Variants in ZNF8 observed in about 807,000 individuals in gnomAD.
ZNF8 encodes the protein zinc finger protein 8.
ZNF8 carries 9 observed loss-of-function variants against 12.2 expected under a neutral mutation model. That is an observed-to-expected ratio of 0.73 (90% CI 0.44 to 1.28). ZNF8 has a LOEUF of 1.28. Ranked by LOEUF, ZNF8 falls within the 50% of genes most tolerant of loss-of-function variation. The pLI is 0.00. For missense variants in ZNF8, 664 were observed against 729.1 expected (o/e 0.91, Z 1.03); for synonymous variants, 274 against 282.3 (o/e 0.97, Z 0.30).
At position 58,302,324 on chromosome 19, in the gene ZNF8, C is replaced by A. The variant is rs530333124; in HGVS notation, c.*6788C>A. On this transcript the variant is annotated 3_prime_UTR_variant, in exon 4 of 4. Coordinates refer to ENST00000621650, the MANE Select transcript of ZNF8 (RefSeq NM_021089.3). ...AAATGAAAACTTGTGTAAAATTCCT[C>A]ATACTTTAGCCATCCATAGATGGTC... The A allele has an allele frequency of 7.9e-5, 12 of 152,166 alleles. No homozygotes were observed. Among genetic ancestry groups the A allele is most frequent in the Non-Finnish European group, 1.8e-4 (12 of 68,042 alleles). The allele number at this position is 152,166 out of a possible 1,614,324, so 9.4% of individuals were successfully genotyped here.
At chr19:58,288,006 T>C (rs972741434) in intron 3 of ZNF8, among the ~76,000 whole-genome samples, 2 of 131,742 alleles carry the variant, frequency 1.5e-5, no homozygotes, top group African/African-American at 5.8e-5. Flanking sequence ...GCCTGACTTT[T>C]TGTTTGTTTG....
intron 1 of ZNF8, chr19:58,279,715 G>C (rs1202901437): frequency 6.6e-7 from 1 of 1,524,528 alleles, no homozygotes; most frequent in Non-Finnish European, 8.8e-7. Flanking sequence ...GAGACTGTGG[G>C]AGAACTGCAG....
In ZNF8 at chr19:58,294,370, C is replaced by A; in HGVS notation, c.562C>A (p.Pro188Thr). 2 of 1,614,096 alleles carry A rather than the reference C, an allele frequency of 1.2e-6. No homozygotes were observed. Among genetic ancestry groups the A allele is most frequent in the Non-Finnish European group, 1.7e-6 (2 of 1,180,024 alleles). The change falls in exon 4 of 4, where the codon CCA becomes ACA. Residue 188 changes from proline to threonine, a missense_variant. Physicochemically the swap from Pro to Thr is conservative, Grantham distance 38. Transcript: ENST00000621650. This position sits in a 1 kb window ranked among gnomAD's most constrained non-coding sequence, Gnocchi z 5.5. ...LRENCVLSSS[P>T]NPFPEISRGE... The stretch of plus-strand genomic sequence containing the variant: ...GGAAAACTGCGTCCTGAGTTCAAGC[C>A]CAAATCCATTCCCAGAGATCTCTAG...
chr19:58,287,638 CT>C (rs35340103), intron 3 of ZNF8, among the ~76,000 whole-genome samples: 349 of 64,856 alleles, frequency 5.4e-3, no homozygotes, highest in African/African-American at 0.019. Context: ...TGCACCTGGC[CT>C]TTTTTTTTTT....
At chr19:58,284,773 T>C (rs1325455311) in intron 1 of ZNF8, among the ~76,000 whole-genome samples, 5 of 152,034 alleles carry the variant, frequency 3.3e-5, no homozygotes, top group Non-Finnish European at 1.5e-5. Context: ...CACTTGAACC[T>C]GGGAGGCAGA....
chr19:58,287,550 G>A (rs1247662359), intron 3 of ZNF8, among the ~76,000 whole-genome samples: 1 of 150,760 alleles, frequency 6.6e-6, no homozygotes, highest in Non-Finnish European at 1.5e-5. Flanking sequence ...TGTTGCCCAG[G>A]CTGGTCTCAA....
intron 1 of ZNF8, chr19:58,280,150 G>A (rs779559621): frequency 2.2e-5 from 7 of 312,220 alleles, no homozygotes; most frequent in African/African-American, 6.7e-5. Flanking sequence ...AATATCTCAC[G>A]AGTTCTGACA....
chr19:58,294,933 G>A lies in ZNF8; in HGVS notation c.1125G>A (p.Gly375=). The part of the protein sequence containing the change: ...GEKPYTCSVC[G]KSFSRTTCLF... The stretch of plus-strand genomic sequence containing the variant: ...AGCCATACACCTGCAGTGTGTGTGG[G>A]AAATCCTTCTCTCGGACCACTTGCC... Residue 375 remains glycine (G), a synonymous_variant, in exon 4 of 4, where the codon GGG becomes GGA. Coordinates refer to ENST00000621650, the MANE Select transcript of ZNF8 (RefSeq NM_021089.3). The surrounding 1 kb of genome is among the most constrained non-coding windows in gnomAD (Gnocchi z 5.5). The A allele has an allele frequency of 1.9e-6, 3 of 1,614,174 alleles. No individual in the cohort carries two copies. The highest frequency in any genetic ancestry group is 2.7e-5 in the African/African-American group (2 of 75,056).
intron 3 of ZNF8, among the ~76,000 whole-genome samples, chr19:58,290,214 C>T (rs1434447522): frequency 1.4e-5 from 2 of 146,610 alleles, no homozygotes; most frequent in Non-Finnish European, 3.0e-5. Flanking sequence ...CCCGGGTTCA[C>T]GCCATTCTGC....
In ZNF8 at chr19:58,295,261, C is replaced by A. The variant is rs752494606; in HGVS notation, c.1453C>A (p.His485Asn). The A allele has an allele frequency of 6.2e-7, 1 of 1,614,124 alleles. No homozygotes were observed. Among genetic ancestry groups the A allele is most frequent in the Non-Finnish European group, 8.5e-7 (1 of 1,180,060 alleles). ...CATTCAGAGCTCTCACCTCATCCGG[C>A]ACCAGATAACTCACACCAGAGAGGA... ...CFIQSSHLIR[H>N]QITHTREEQP... The change falls in exon 4 of 4, where the codon CAC becomes AAC. Residue 485 changes from histidine (H) to asparagine (N), a missense_variant. Physicochemically the swap from His to Asn is moderately conservative, Grantham distance 68 (BLOSUM62 1). Transcript: ENST00000621650.
Position 58,280,201 on chromosome 19 carries a change from C to G in ZNF8, c.66+1054C>G, listed in dbSNP as rs78389748. 2.5e-3 allele frequency: 659 copies of G among 266,494 alleles called. 4 individuals are homozygous for G. The highest frequency in any genetic ancestry group is 0.014 in the African/African-American group (606 of 43,126). The allele number at this position is 266,494 out of a possible 1,614,324, so 16.5% of individuals were successfully genotyped here. A position where few individuals can be genotyped will look rare whatever the true frequency, so the allele number is the denominator to read the frequency against. On this transcript the variant is annotated intron_variant, in intron 1 of 3. Transcript: ENST00000621650. ...CCTAGCTGGTGGTTCTGGTTCAGGC[C>G]CATGAAGTTACAGTGAAGATGTCAG...
At chr19:58,291,509 G>C (rs1324756941) in intron 3 of ZNF8, among the ~76,000 whole-genome samples, 6 of 151,484 alleles carry the variant, frequency 4.0e-5, no homozygotes, top group Non-Finnish European at 8.8e-5. Flanking sequence ...TTTAGTCTCT[G>C]TGTTTTCGTC....
rs1359442016 is a variant in ZNF8, at chr19:58,295,741, A to G, written c.*205A>G. The G allele has an allele frequency of 1.8e-6, 1 of 551,612 alleles. No homozygotes were observed. The highest frequency in any genetic ancestry group is 1.9e-5 in the African/African-American group (1 of 53,058). 34.2% of individuals were successfully genotyped at this position (551,612 alleles called of 1,614,324 possible). On this transcript the variant is annotated 3_prime_UTR_variant, in exon 4 of 4. Coordinates refer to ENST00000621650, the MANE Select transcript of ZNF8 (RefSeq NM_021089.3). ...CCTCTTTAGCGACATATTTTGTGAC[A>G]TTCCTTCCATTACACCACAGTGAGT...
chr19:58,280,302 G>C, intron 1 of ZNF8: 1 of 185,496 alleles, frequency 5.4e-6, no homozygotes, highest in East Asian at 1.7e-4. Context: ...CTGTTGATAG[G>C]AGACCTCAGT....
chr19:58,283,661 G>A lies in ZNF8; in HGVS notation c.67-2056G>A, dbSNP rs1299176072. ...GTTGCCCAGGCTGGAGTGCAGTGGC[G>A]CAATCTTGACTCACTGCAAGCTCTG... On this transcript the variant is annotated intron_variant, in intron 1 of 3. Coordinates refer to ENST00000621650, the MANE Select transcript of ZNF8 (RefSeq NM_021089.3). Among the ~76,000 whole-genome samples the A allele has an allele frequency of 3.4e-5, 5 of 147,294 alleles. No homozygotes were observed. In the South Asian group the frequency reaches 8.6e-4, roughly 25 times the overall value.
rs2051468994 is a variant in ZNF8, at chr19:58,298,281, G to GTCA, written c.*2745_*2746insTCA. 1 of 151,402 alleles carries GTCA rather than the reference G, an allele frequency of 6.6e-6. No homozygotes were observed. Among genetic ancestry groups the GTCA allele is most frequent in the African/African-American group, 2.4e-5 (1 of 41,044 alleles). 9.4% of individuals were successfully genotyped at this position (151,402 alleles called of 1,614,324 possible). ...TCTGACCTCATAATCCGCCCACCTC[G>GTCA]GCCTCCCAAAGTGCTGGGATTACAG... On this transcript the variant is annotated 3_prime_UTR_variant, in exon 4 of 4. Coordinates refer to ENST00000621650, the MANE Select transcript of ZNF8 (RefSeq NM_021089.3).
chr19:58,285,802 G>A lies in ZNF8; in HGVS notation c.152G>A (p.Arg51His), dbSNP rs768301571. 2.5e-6 allele frequency: 4 copies of A among 1,614,002 alleles called. No individual in the cohort carries two copies. The highest frequency in any genetic ancestry group is 2.2e-5 in the East Asian group (1 of 44,876). The change falls in exon 2 of 4, where the codon CGT becomes CAT. Residue 51 changes from arginine to histidine, a missense_variant. By Grantham distance (29) the Arg-to-His change is conservative (BLOSUM62 0). Transcript: ENST00000621650. ...QLDPTQRILY[R>H]DVMLETFGHL... Reference sequence around the variant, plus strand: ...GACCCTACCCAGAGGATCCTCTACCGTGACGTGATGCTGGAGACCTTTGGT... The same window carrying A: ...GACCCTACCCAGAGGATCCTCTACCATGACGTGATGCTGGAGACCTTTGGT...
At chr19:58,290,595 A>C (rs2051413731) in intron 3 of ZNF8, among the ~76,000 whole-genome samples, 1 of 152,134 alleles carries the variant, frequency 6.6e-6, no homozygotes, top group Non-Finnish European at 1.5e-5. Flanking sequence ...CCGCGTCTCT[A>C]CAAAAAAATT....
In ZNF8 at chr19:58,279,078, CAGCAT is replaced by C; in HGVS notation, c.-3_2del. 6.6e-7 allele frequency: 1 copy of C among 1,507,242 alleles called. No individual in the cohort carries two copies. Among genetic ancestry groups the C allele is most frequent in the Non-Finnish European group, 8.9e-7 (1 of 1,121,026 alleles). The allele number at this position is 1,507,242 out of a possible 1,614,324, so 93.4% of individuals were successfully genotyped here. A position where few individuals can be genotyped will look rare whatever the true frequency, so the allele number is the denominator to read the frequency against. The stretch of plus-strand genomic sequence containing the variant: ...AGGCGCTGTCCTTCACTGGGCGATC[CAGCAT>C]GGACCCCGAGGACGAAGGGGTAGCG... On this transcript the variant is annotated start_lost and 5_prime_UTR_variant, in exon 1 of 4. Transcript: ENST00000621650.
Sources: allele counts gnomAD v4.1 joint callset (sites outside exome capture counted in the v4.1 genomes callset), GRCh38; gene constraint gnomAD v4.1.1; non-coding constraint Gnocchi (gnomAD v3.1); transcripts MANE v1.5; gene names NCBI Gene and HGNC (gene_info 2026-07-23, HGNC 2026-07-21).